UNKL: variants seen among roughly 807,000 people sequenced by gnomAD.
UNKL encodes the protein putative E3 ubiquitin-protein ligase UNKL.
UNKL carries 60 observed loss-of-function variants against 78.0 expected under a neutral mutation model. That is an observed-to-expected ratio of 0.77 (90% CI 0.63 to 0.95). The LOEUF (loss-of-function observed/expected upper bound fraction) is 0.95. Ranked by LOEUF, UNKL falls within the 40% of genes least tolerant of loss-of-function variation. The pLI is 0.00. For synonymous variants in UNKL, 608 were observed against 474.8 expected (o/e 1.28, Z -3.65); for missense variants, 1,159 against 1,045.7 (o/e 1.11, Z -1.49).
At chr16:1,369,957 A>G (rs1429943570) in intron 12 of UNKL, 173 bp downstream of exon 12, 1 of 1,550,040 alleles carries the variant, frequency 6.5e-7, no homozygotes, top group African/African-American at 1.4e-5. Flanking sequence ...CCTGGGCGAC[A>G]GAGCGAGACT....
At chr16:1,375,435 G>A (rs778040646) in intron 10 of UNKL, among the ~76,000 whole-genome samples, 1 of 152,224 alleles carries the variant, frequency 6.6e-6, no homozygotes, top group Non-Finnish European at 1.5e-5. Context: ...CCAGCCGTGA[G>A]GGAATTTCCG....
At chr16:1,401,965 A>G (rs957671567) in intron 3 of UNKL, among the ~76,000 whole-genome samples, 1 of 152,166 alleles carries the variant, frequency 6.6e-6, no homozygotes, top group African/African-American at 2.4e-5. Context: ...TGACGCAATC[A>G]CAGCTCATTG....
In UNKL at chr16:1,365,972, C is replaced by T. The variant is rs1214528271; in HGVS notation, c.*268G>A. 2 of 334,490 alleles carry T rather than the reference C, an allele frequency of 6.0e-6. No individual in the cohort carries two copies. Among genetic ancestry groups the T allele is most frequent in the African/African-American group, 2.1e-5 (1 of 47,564 alleles). 20.7% of individuals were successfully genotyped at this position (334,490 alleles called of 1,614,324 possible). A position where few individuals can be genotyped will look rare whatever the true frequency, so the allele number is the denominator to read the frequency against. On this transcript the variant is annotated 3_prime_UTR_variant, in exon 15 of 15. Transcript: ENST00000389221. The stretch of plus-strand genomic sequence containing the variant: ...AGGCACCAGGCCCCTCAGGGACAGG[C>T]AGGCGGGTTCTGTGGGTTTGCATTT...
chr16:1,366,935 T>C lies in UNKL; in HGVS notation c.2046+157A>G, dbSNP rs530479539. ...GACAGGCAAGGAGGCCACAGGGGGCTGTGCTGGGGTGGGGCACCGTCTCCT... is the reference window on the plus strand; with the variant it reads ...GACAGGCAAGGAGGCCACAGGGGGCCGTGCTGGGGTGGGGCACCGTCTCCT... On this transcript the variant is annotated intron_variant, in intron 14 of 14. Coordinates refer to ENST00000389221, the MANE Select transcript of UNKL (RefSeq NM_001372107.1). Among the ~76,000 whole-genome samples, 6 of 99,210 alleles carry C rather than the reference T, an allele frequency of 6.0e-5. No homozygotes were observed. In the South Asian group the frequency reaches 2.1e-3, roughly 35 times the overall value. 65.1% of individuals were successfully genotyped at this position (99,210 alleles called of 152,430 possible).
intron 11 of UNKL, among the ~76,000 whole-genome samples, chr16:1,370,733 G>A (rs890999584): frequency 4.6e-5 from 7 of 152,204 alleles, no homozygotes; most frequent in Admixed American, 1.3e-4. Context: ...TCTTTTAAAA[G>A]AAAGAAAAGA....
chr16:1,367,403 A>ACC lies in UNKL; in HGVS notation c.1789-56_1789-55dup. Reference sequence around the variant, plus strand: ...CCCACCTCACCTGTGCCACCTGCAGACCCTCTTGCCTGTGTCACCAGCGAT... The same window carrying ACC: ...CCCACCTCACCTGTGCCACCTGCAGACCCCCTCTTGCCTGTGTCACCAGCGAT... On this transcript the variant is annotated intron_variant, in intron 13 of 14. Transcript: ENST00000389221. 6 of 1,480,062 alleles carry ACC rather than the reference A, an allele frequency of 4.1e-6. No individual in the cohort carries two copies. The Admixed American group carries it at 1.0e-4, about 26-fold the overall frequency. 91.7% of individuals were successfully genotyped at this position (1,480,062 alleles called of 1,614,324 possible).
At chr16:1,409,108 G>A (rs150939795) in intron 2 of UNKL, among the ~76,000 whole-genome samples, 5,209 of 152,056 alleles carry the variant, frequency 0.034, 144 homozygotes, top group Non-Finnish European at 0.055. Flanking sequence ...TAGTAGAGAC[G>A]GGGTTTCACC....
At chr16:1,402,013 T>C (rs1308401889) in intron 3 of UNKL, among the ~76,000 whole-genome samples, 1 of 152,224 alleles carries the variant, frequency 6.6e-6, no homozygotes, top group Non-Finnish European at 1.5e-5. Context: ...TCCTCCCACC[T>C]TGGCCTCCCA....
chr16:1,385,508 G>A, intron 9 of UNKL, 123 bp from the exon 10 acceptor site: 1 of 1,063,388 alleles, frequency 9.4e-7, no homozygotes, highest in Non-Finnish European at 1.2e-6. Flanking sequence ...CGAGGCCCAG[G>A]GAGAGCTTCC....
At position 1,397,163 on chromosome 16, in the gene UNKL, G is replaced by T. The variant is rs769256467; in HGVS notation, c.852+15C>A. 3.9e-6 allele frequency: 6 copies of T among 1,546,666 alleles called. No homozygotes were observed. The East Asian group carries it at 9.8e-5, about 25-fold the overall frequency. The stretch of plus-strand genomic sequence containing the variant: ...TTCCAGCGACCCCTACGCCTGGGGG[G>T]TTGGAGGGACGTACCTCGGGATGGA... On this transcript the variant is annotated intron_variant, in intron 6 of 14. Transcript: ENST00000389221.
intron 2 of UNKL, among the ~76,000 whole-genome samples, chr16:1,409,196 G>A (rs903547513): frequency 3.3e-5 from 5 of 152,220 alleles, no homozygotes; most frequent in African/African-American, 1.2e-4. Context: ...ACAGGCGTGA[G>A]CCACCGCGCC....
At chr16:1,414,489 C>T (rs1425390341) in intron 1 of UNKL, 126 bp downstream of exon 1, 4 of 196,328 alleles carry the variant, frequency 2.0e-5, no homozygotes, top group Non-Finnish European at 3.7e-5. Context: ...GGTCGTGGCC[C>T]CCCCAGCCCA....
At chr16:1,393,715 G>A (rs2037144633) in intron 7 of UNKL, among the ~76,000 whole-genome samples, 1 of 151,710 alleles carries the variant, frequency 6.6e-6, no homozygotes, top group African/African-American at 2.4e-5. Flanking sequence ...CTCCACAAGG[G>A]AGGTGGTGCT....
rs2037440183 is a variant in UNKL, at chr16:1,399,853, G to A, written c.599-344C>T. Among the ~76,000 whole-genome samples, 1 of 152,156 alleles carries A rather than the reference G, an allele frequency of 6.6e-6. No homozygotes were observed. Among genetic ancestry groups the A allele is most frequent in the Admixed American group, 6.5e-5 (1 of 15,278 alleles). On this transcript the variant is annotated intron_variant, in intron 4 of 14. Coordinates refer to ENST00000389221, the MANE Select transcript of UNKL (RefSeq NM_001372107.1). This position sits in a 1 kb window ranked among gnomAD's most constrained non-coding sequence, Gnocchi z 5.8. ...GGGATGAAAATGTTCTCCAACTAGA[G>A]AGAGGTGATGTGTGCACAGCTTTTG...
chr16:1,385,827 C>G (rs577931720), intron 9 of UNKL, among the ~76,000 whole-genome samples: 1 of 152,210 alleles, frequency 6.6e-6, no homozygotes, highest in African/African-American at 2.4e-5. Flanking sequence ...CCTTGGGGGG[C>G]CCCCAGAGAA....
At chr16:1,385,777 GC>G (rs1245937328) in intron 9 of UNKL, among the ~76,000 whole-genome samples, 1 of 152,208 alleles carries the variant, frequency 6.6e-6, no homozygotes, top group African/African-American at 2.4e-5. Flanking sequence ...CCTCCTGGGT[GC>G]CCCCGCCCCG....
chr16:1,366,961 C>G, intron 14 of UNKL, 131 bp downstream of exon 14: 2 of 1,417,904 alleles, frequency 1.4e-6, no homozygotes, highest in South Asian at 1.5e-5. Flanking sequence ...ACCGTCTCCT[C>G]CTCCCTAGGC....
intron 10 of UNKL, among the ~76,000 whole-genome samples, chr16:1,384,263 A>C (rs1424230882): frequency 1.9e-5 from 2 of 105,892 alleles, no homozygotes. Flanking sequence ...AGGTGTCCCC[A>C]CCACCCCAAC....
intron 6 of UNKL, 22 bp downstream of exon 6, chr16:1,397,156 C>G (rs2037301721): frequency 6.5e-7 from 1 of 1,546,082 alleles, no homozygotes; most frequent in African/African-American, 1.4e-5. Context: ...ACCCCTACGC[C>G]TGGGGGGTTG....
Sources: gnomAD v4.1 joint callset for allele counts (sites outside exome capture counted in the v4.1 genomes callset) on GRCh38, gnomAD v4.1.1 for gene constraint, Gnocchi (gnomAD v3.1) non-coding constraint, MANE v1.5 for transcripts, NCBI Gene and HGNC (gene_info 2026-07-23, HGNC 2026-07-21) for gene names.